The following GALNT18 variants were observed in gnomAD, a reference collection of about 807,000 sequenced individuals.
The protein encoded by GALNT18 is GalNAc-transferase 18.
A neutral mutation model predicts 69.5 loss-of-function variants in GALNT18; 44 were observed. The ratio of observed to expected loss-of-function variants is 0.63; its 90% CI spans 0.50 to 0.81. The LOEUF (loss-of-function observed/expected upper bound fraction) is 0.81. GALNT18 is among the 40% of genes least tolerant of loss of function. GALNT18 has a pLI of 0.00. For synonymous variants in GALNT18, 364 were observed against 318.2 expected (o/e 1.14, Z -1.53); for missense variants, 715 against 810.0 (o/e 0.88, Z 1.42).
In GALNT18 at chr11:11,373,674, T is replaced by C. The variant is rs1354350555; in HGVS notation, c.978-1045A>G. Among the ~76,000 whole-genome samples the C allele has an allele frequency of 2.0e-5, 3 of 152,336 alleles. No homozygotes were observed. In the East Asian group the frequency reaches 5.8e-4, roughly 29 times the overall value. ...AGGAGCTGGAAGGCTTTTCCTTCCT[T>C]GAGGGCTGTGAGCTTGGGTCTCACC... On this transcript the variant is annotated intron_variant, in intron 5 of 10. Transcript: ENST00000227756.
At chr11:11,311,327 G>A (rs1012073989) in intron 9 of GALNT18, among the ~76,000 whole-genome samples, 2 of 152,264 alleles carry the variant, frequency 1.3e-5, no homozygotes, top group South Asian at 4.1e-4. Context: ...TTCGGGGAGG[G>A]CACGGTATAC....
rs1425904633 is a variant in GALNT18 at position 11,523,700 on chromosome 11, C to A, written c.236-74764G>T. 2.0e-5 allele frequency among the ~76,000 whole-genome samples: 3 copies of A among 149,090 alleles called. No homozygotes were observed. The highest frequency in any genetic ancestry group is 7.4e-5 in the African/African-American group (3 of 40,398). On this transcript the variant is annotated intron_variant, in intron 1 of 10. Coordinates refer to ENST00000227756, the MANE Select transcript of GALNT18 (RefSeq NM_198516.3). The surrounding 1 kb of genome is among the most constrained non-coding windows in gnomAD (Gnocchi z 4.3). ...CACCACTGCACTCCAGCCTGGGCAA[C>A]AGAGCGAGACTCCATCTCAAAAAAA...
At chr11:11,312,226 G>T (rs1162076416) in intron 9 of GALNT18, among the ~76,000 whole-genome samples, 1 of 152,160 alleles carries the variant, frequency 6.6e-6, no homozygotes, top group Non-Finnish European at 1.5e-5. Context: ...TGGGATTACA[G>T]TCGTGAGCCA....
At chr11:11,431,385 G>A (rs767499834) in intron 3 of GALNT18, among the ~76,000 whole-genome samples, 2 of 152,170 alleles carry the variant, frequency 1.3e-5, no homozygotes, top group African/African-American at 2.4e-5. Flanking sequence ...TGGGTCCCAG[G>A]CTAGATGATG....
At chr11:11,608,015 G>GAACTTC (rs1859795706) in intron 1 of GALNT18, among the ~76,000 whole-genome samples, 3 of 152,208 alleles carry the variant, frequency 2.0e-5, no homozygotes, top group Admixed American at 1.3e-4. Context: ...GGAGGGCTCA[G>GAACTTC]AACTTCAGAG....
chr11:11,458,284 G>T (rs1679450887), intron 1 of GALNT18, among the ~76,000 whole-genome samples: 1 of 152,176 alleles, frequency 6.6e-6, no homozygotes, highest in South Asian at 2.1e-4. Context: ...TCCCAGATAA[G>T]AATTCATAAA....
At chr11:11,433,730 G>A (rs1194106065) in intron 2 of GALNT18, among the ~76,000 whole-genome samples, 1 of 152,192 alleles carries the variant, frequency 6.6e-6, no homozygotes, top group Non-Finnish European at 1.5e-5. Context: ...TGCAAGCATA[G>A]TCTTTATGGG....
At chr11:11,572,688 G>T (rs1382576591) in intron 1 of GALNT18, among the ~76,000 whole-genome samples, 1 of 152,182 alleles carries the variant, frequency 6.6e-6, no homozygotes, top group Non-Finnish European at 1.5e-5. Flanking sequence ...CAACATGGCT[G>T]CCCGGTGCCC....
At position 11,402,185 on chromosome 11, in the gene GALNT18, A is replaced by G. The variant is rs976887719; in HGVS notation, c.596-22921T>C. 3.3e-5 allele frequency among the ~76,000 whole-genome samples: 5 copies of G among 152,236 alleles called. No individual in the cohort carries two copies. Among genetic ancestry groups the G allele is most frequent in the Non-Finnish European group, 7.3e-5 (5 of 68,034 alleles). ...TAGGCACCAGAAGAATCATGCAATC[A>G]TGGTTTATTTTCTGTCACCTTGGGA... On this transcript the variant is annotated intron_variant, in intron 3 of 10. Coordinates refer to ENST00000227756, the MANE Select transcript of GALNT18 (RefSeq NM_198516.3). The surrounding 1 kb of genome is among the most constrained non-coding windows in gnomAD (Gnocchi z 4.0).
At chr11:11,593,345 T>G (rs1400198630) in intron 1 of GALNT18, among the ~76,000 whole-genome samples, 1 of 152,164 alleles carries the variant, frequency 6.6e-6, no homozygotes, top group Non-Finnish European at 1.5e-5. Context: ...CTCAAGCCAT[T>G]CTTGGTACTT....
chr11:11,291,611 C>T (rs893765367), intron 10 of GALNT18, among the ~76,000 whole-genome samples: 1 of 150,124 alleles, frequency 6.7e-6, no homozygotes, highest in Non-Finnish European at 1.5e-5. Flanking sequence ...TTTCATTGAA[C>T]CCCCGACACT....
At chr11:11,550,374 C>T (rs1350004566) in intron 1 of GALNT18, among the ~76,000 whole-genome samples, 1 of 152,210 alleles carries the variant, frequency 6.6e-6, no homozygotes, top group Non-Finnish European at 1.5e-5. Flanking sequence ...CACAGTTTTC[C>T]AACTGGACAC....
rs1160776090 is a variant in GALNT18, at chr11:11,505,859, T to C, written c.236-56923A>G. 6.6e-6 allele frequency among the ~76,000 whole-genome samples: 1 copy of C among 152,224 alleles called. No individual in the cohort carries two copies. The highest frequency in any genetic ancestry group is 2.4e-5 in the African/African-American group (1 of 41,454). ...GTAAATCCTCTAGCCCAGGCCTTAC[T>C]GATCTAATCTCCGAGTCAGAGAAGC... On this transcript the variant is annotated intron_variant, in intron 1 of 10. Transcript: ENST00000227756. This position sits in a 1 kb window ranked among gnomAD's most constrained non-coding sequence, Gnocchi z 4.6.
At chr11:11,313,051 A>G (rs11021785) in intron 9 of GALNT18, among the ~76,000 whole-genome samples, 13,741 of 152,302 alleles carry the variant, frequency 0.09, 789 homozygotes, top group Non-Finnish European at 0.13. Flanking sequence ...CACCTTAGAT[A>G]GGATGGTCAG....
chr11:11,382,707 C>T lies in GALNT18; in HGVS notation c.596-3443G>A, dbSNP rs528703520. On this transcript the variant is annotated intron_variant, in intron 3 of 10. Coordinates refer to ENST00000227756, the MANE Select transcript of GALNT18 (RefSeq NM_198516.3). The surrounding 1 kb of genome is among the most constrained non-coding windows in gnomAD (Gnocchi z 4.3). ...TTGCTAAACCTTTGATTTTCTGGTT[C>T]AAATTTAAAAGCTGATTGACTTTTA... Among the ~76,000 whole-genome samples the T allele has an allele frequency of 1.3e-3, 194 of 152,190 alleles. No homozygotes were observed. Among genetic ancestry groups the T allele is most frequent in the Non-Finnish European group, 2.4e-3 (160 of 68,016 alleles).
intron 1 of GALNT18, among the ~76,000 whole-genome samples, chr11:11,558,083 T>C (rs549345417): frequency 2.6e-5 from 4 of 152,280 alleles, no homozygotes; most frequent in South Asian, 2.1e-4. Flanking sequence ...CCAACCTTCC[T>C]GGATAAGCTC....
At chr11:11,458,500 C>A (rs1855970512) in intron 1 of GALNT18, among the ~76,000 whole-genome samples, 1 of 152,218 alleles carries the variant, frequency 6.6e-6, no homozygotes, top group South Asian at 2.1e-4. Flanking sequence ...ATGTACATTT[C>A]TCTTGTCGGC....
chr11:11,308,314 A>G lies in GALNT18; in HGVS notation c.1513-15121T>C, dbSNP rs187215964. Among the ~76,000 whole-genome samples, 91 of 152,244 alleles carry G rather than the reference A, an allele frequency of 6.0e-4. No individual in the cohort carries two copies. In the East Asian group the frequency reaches 0.016, roughly 27 times the overall value. On this transcript the variant is annotated intron_variant, in intron 9 of 10. Transcript: ENST00000227756. ...TTGTCTATTTTCATGAAGATATGTT[A>G]CTTTCAATAAAGGCAATTCACTAAA...
In GALNT18 at chr11:11,538,907, T is replaced by A. The variant is rs1335031217; in HGVS notation, c.235+82452A>T. Among the ~76,000 whole-genome samples, 25 of 152,088 alleles carry A rather than the reference T, an allele frequency of 1.6e-4. No homozygotes were observed. Among genetic ancestry groups the A allele is most frequent in the Non-Finnish European group, 2.9e-5 (2 of 68,002 alleles). ...TTCAGAGATCCCAGTAAAAGATGCT[T>A]TGTCAACAGAGGTGCCCCCCAGATC... On this transcript the variant is annotated intron_variant, in intron 1 of 10. Transcript: ENST00000227756. This position sits in a 1 kb window ranked among gnomAD's most constrained non-coding sequence, Gnocchi z 5.2.
Sources: gnomAD v4.1 joint callset for allele counts (sites outside exome capture counted in the v4.1 genomes callset) on GRCh38, gnomAD v4.1.1 for gene constraint, Gnocchi (gnomAD v3.1) non-coding constraint, MANE v1.5 for transcripts, NCBI Gene and HGNC (gene_info 2026-07-23, HGNC 2026-07-21) for gene names.